ANKRD55: variants seen among roughly 807,000 people sequenced by gnomAD.
ANKRD55 encodes the protein ankyrin repeat domain-containing protein 55.
A neutral mutation model predicts 60.6 loss-of-function variants in ANKRD55; 41 were observed. The ratio of observed to expected loss-of-function variants is 0.68; its 90% CI spans 0.53 to 0.88. ANKRD55 has a LOEUF of 0.88. Among genes scored for constraint, ANKRD55 ranks in the 40% least tolerant of loss-of-function variants. ANKRD55 has a pLI of 0.00. For synonymous variants in ANKRD55, 264 were observed against 290.3 expected (o/e 0.91, Z 0.92); for missense variants, 732 against 767.6 (o/e 0.95, Z 0.55).
intron 2 of ANKRD55, among the ~76,000 whole-genome samples, chr5:56,229,016 C>G (rs1760183070): frequency 6.6e-6 from 1 of 152,044 alleles, no homozygotes; most frequent in South Asian, 2.1e-4. Flanking sequence ...CCAGGCCCTC[C>G]TCACCCCCAA....
At chr5:56,141,722 C>T (rs1300595894) in intron 7 of ANKRD55, among the ~76,000 whole-genome samples, 7 of 151,940 alleles carry the variant, frequency 4.6e-5, no homozygotes, top group East Asian at 3.9e-4. Flanking sequence ...TAATTTATAA[C>T]GAACTGGTAA....
At chr5:56,200,799 G>C (rs1263407506) in intron 2 of ANKRD55, among the ~76,000 whole-genome samples, 1 of 152,104 alleles carries the variant, frequency 6.6e-6, no homozygotes, top group Non-Finnish European at 1.5e-5. Flanking sequence ...AATTTGGGGA[G>C]GCTTTCTTTG....
chr5:56,156,593 G>A (rs1758199290), intron 6 of ANKRD55, among the ~76,000 whole-genome samples: 1 of 152,102 alleles, frequency 6.6e-6, no homozygotes, highest in Admixed American at 6.6e-5. Context: ...TTCTAAATAA[G>A]ACCTAGTTTA....
At position 56,111,381 on chromosome 5, in the gene ANKRD55, T is replaced by C. The variant is rs145822505; in HGVS notation, c.1367A>G (p.His456Arg). ...ATGAGGAGCAGAGCTCAGGCCTGCATGGGAAGTGGCCCTATGGGAGGCTGT... is the reference window on the plus strand; with the variant it reads ...ATGAGGAGCAGAGCTCAGGCCTGCACGGGAAGTGGCCCTATGGGAGGCTGT... ...FLTASHRATS[H>R]AGLSSAPHHM... Residue 456 changes from histidine (H) to arginine (R), a missense_variant, in exon 10 of 12, where the codon CAT (histidine) becomes CGT (arginine). His to Arg is a conservative substitution (Grantham distance 29, BLOSUM62 0). This residue lies in a region of ANKRD55 where 597 missense variants were observed against 607.5 expected (regional missense o/e 0.98). Transcript: ENST00000341048. 6.2e-7 allele frequency: 1 copy of C among 1,614,010 alleles called. No homozygotes were observed. The highest frequency in any genetic ancestry group is 1.3e-5 in the African/African-American group (1 of 74,934).
At chr5:56,127,475 C>T in intron 7 of ANKRD55, 3 of 984,104 alleles carry the variant, frequency 3.0e-6, no homozygotes, top group Non-Finnish European at 3.6e-6. Flanking sequence ...TTTGTGTCCC[C>T]ATTTGCTGTA....
chr5:56,170,353 G>C (rs1758581018), intron 5 of ANKRD55, among the ~76,000 whole-genome samples: 1 of 152,124 alleles, frequency 6.6e-6, no homozygotes, highest in African/African-American at 2.4e-5. Flanking sequence ...AATTTCAAAG[G>C]ACTAGAACAG....
chr5:56,143,843 A>C lies in ANKRD55; in HGVS notation c.570T>G (p.Leu190=), dbSNP rs371801644. The C allele has an allele frequency of 4.3e-6, 7 of 1,614,118 alleles. No homozygotes were observed. Among genetic ancestry groups the C allele is most frequent in the Non-Finnish European group, 5.9e-6 (7 of 1,180,016 alleles). ...MLLKKGADPT[L]VDKDFKTALH... ...GAGCGGTTTTAAAGTCTTTATCCAC[A>C]AGGGTGGGGTCTGCCCCCTTCTTCA... Residue 190 remains leucine, a synonymous_variant, in exon 7 of 12, where the codon CTT becomes CTG. Coordinates refer to ENST00000341048, the MANE Select transcript of ANKRD55 (RefSeq NM_024669.3).
chr5:56,116,745 C>G lies in ANKRD55; in HGVS notation c.835G>C (p.Glu279Gln). The G allele has an allele frequency of 1.2e-6, 2 of 1,613,454 alleles. No homozygotes were observed. Among genetic ancestry groups the G allele is most frequent in the Non-Finnish European group, 1.7e-6 (2 of 1,179,718 alleles). ...AACTCCAGCAGTGACTGGACACATT[C>G]GGCCTTCCCTGCAGCTGCAGCCCAG... Reference protein sequence around the residue: ...LHWAAAAGKAECVQSLLELGM... With the variant: ...LHWAAAAGKAQCVQSLLELGM... Residue 279 changes from glutamate (E) to glutamine (Q), a missense_variant, in exon 9 of 12, where the codon GAA becomes CAA. By Grantham distance (29) the Glu-to-Gln change is conservative (BLOSUM62 2). This residue lies in a region of ANKRD55 where 597 missense variants were observed against 607.5 expected (regional missense o/e 0.98). Transcript: ENST00000341048.
intron 2 of ANKRD55, among the ~76,000 whole-genome samples, chr5:56,225,863 T>C (rs1206984058): frequency 6.6e-6 from 1 of 152,220 alleles, no homozygotes; most frequent in Admixed American, 6.5e-5. Flanking sequence ...GAACATTCCA[T>C]GCTCATGGAT....
intron 10 of ANKRD55, among the ~76,000 whole-genome samples, chr5:56,105,154 G>A (rs548794224): frequency 3.4e-4 from 51 of 149,406 alleles, no homozygotes; most frequent in African/African-American, 3.5e-4. Flanking sequence ...TAGTGCCATC[G>A]TGGCTCACGG....
intron 9 of ANKRD55, among the ~76,000 whole-genome samples, chr5:56,115,211 TAATAATAAATA>T (rs1258115082): frequency 5.2e-4 from 22 of 42,562 alleles, no homozygotes; most frequent in African/African-American, 1.1e-3. Context: ...AAAATAATAA[TAATAATAAATA>T]AATAAATAAA....
chr5:56,134,731 C>A (rs116813438), intron 7 of ANKRD55, among the ~76,000 whole-genome samples: 2,521 of 152,116 alleles, frequency 0.017, 43 homozygotes, highest in Admixed American at 0.042. Flanking sequence ...AGATAGAAGC[C>A]TAGGGAACTT....
chr5:56,142,111 C>T (rs1230953010), intron 7 of ANKRD55, among the ~76,000 whole-genome samples: 3 of 152,036 alleles, frequency 2.0e-5, no homozygotes, highest in Admixed American at 6.6e-5. Flanking sequence ...GGGCAGATCA[C>T]GAGGTCAGGA....
At chr5:56,105,901 G>A (rs1011206532) in intron 10 of ANKRD55, among the ~76,000 whole-genome samples, 4 of 152,172 alleles carry the variant, frequency 2.6e-5, no homozygotes, top group South Asian at 2.1e-4. Flanking sequence ...TTCTTGTGAC[G>A]GCTTATAAAT....
intron 7 of ANKRD55, among the ~76,000 whole-genome samples, chr5:56,132,556 A>T (rs374696369): frequency 6.7e-6 from 1 of 149,202 alleles, no homozygotes; most frequent in Non-Finnish European, 1.5e-5. Context: ...GCGCCACTGC[A>T]CTCCTGCCTG....
chr5:56,168,447 T>C (rs978485789), intron 5 of ANKRD55, among the ~76,000 whole-genome samples: 2 of 152,210 alleles, frequency 1.3e-5, no homozygotes, highest in African/African-American at 2.4e-5. Context: ...ATCGCAGCAC[T>C]GTGTTCACAT....
At chr5:56,223,711 C>A (rs1760029959) in intron 2 of ANKRD55, among the ~76,000 whole-genome samples, 1 of 152,108 alleles carries the variant, frequency 6.6e-6, no homozygotes, top group Non-Finnish European at 1.5e-5. Context: ...ATAAAACAGA[C>A]TTTAAACCAA....
chr5:56,195,568 C>T (rs1359962652), intron 2 of ANKRD55, among the ~76,000 whole-genome samples: 6 of 152,100 alleles, frequency 3.9e-5, no homozygotes, highest in Non-Finnish European at 7.3e-5. Context: ...CTCAGCCTCC[C>T]GAGTAGCTGG....
intron 7 of ANKRD55, among the ~76,000 whole-genome samples, chr5:56,127,866 C>T (rs556269906): frequency 2.0e-5 from 3 of 152,254 alleles, no homozygotes; most frequent in South Asian, 4.2e-4. Flanking sequence ...TTCCCTTTTG[C>T]GTCTTCTTCC....
Sources: allele counts gnomAD v4.1 joint callset (sites outside exome capture counted in the v4.1 genomes callset), GRCh38; gene constraint gnomAD v4.1.1; regional missense constraint gnomAD v4.1.1; transcripts MANE v1.5; gene names NCBI Gene and HGNC (gene_info 2026-07-23, HGNC 2026-07-21).